Variants in PLD5 observed in about 807,000 individuals in gnomAD.
The protein encoded by PLD5 is phospholipase D family member 5.
A neutral mutation model predicts 61.1 loss-of-function variants in PLD5; 36 were observed. That is an observed-to-expected ratio of 0.59 (90% CI 0.45 to 0.78). The LOEUF (loss-of-function observed/expected upper bound fraction) is 0.78. Among genes scored for constraint, PLD5 ranks in the 30% least tolerant of loss-of-function variants. The pLI is 0.00. For synonymous variants in PLD5, 243 were observed against 242.8 expected (o/e 1.00, Z -0.01); for missense variants, 515 against 644.4 (o/e 0.80, Z 2.17).
chr1:242,183,903 TAAATAAATAA>T (rs1374754123), intron 5 of PLD5, among the ~76,000 whole-genome samples: 3 of 147,828 alleles, frequency 2.0e-5, no homozygotes, highest in East Asian at 2.5e-4. Context: ...TCAAAATAAA[TAAATAAATAA>T]AAATAAATAA....
At chr1:242,328,241 T>C (rs28719041) in intron 2 of PLD5, among the ~76,000 whole-genome samples, 1 of 152,108 alleles carries the variant, frequency 6.6e-6, no homozygotes, top group East Asian at 1.9e-4. Context: ...TTCTAGATTA[T>C]CAAGATGAAC....
At chr1:242,204,170 G>A (rs1230137279) in intron 5 of PLD5, among the ~76,000 whole-genome samples, 2 of 151,860 alleles carry the variant, frequency 1.3e-5, no homozygotes, top group African/African-American at 2.4e-5. Flanking sequence ...GTGAACCCAG[G>A]AGGCGAAGCT....
At chr1:242,485,959 T>C (rs1244555228) in intron 1 of PLD5, among the ~76,000 whole-genome samples, 5 of 152,082 alleles carry the variant, frequency 3.3e-5, no homozygotes, top group African/African-American at 1.2e-4. Context: ...AAACAAGAAA[T>C]GGGGAAAGGA....
chr1:242,390,522 C>A (rs545322970), intron 1 of PLD5, among the ~76,000 whole-genome samples: 2 of 152,194 alleles, frequency 1.3e-5, no homozygotes, highest in South Asian at 4.1e-4. Flanking sequence ...CCGAAAAGTA[C>A]CATTTCTTTG....
At chr1:242,396,026 TAATAAG>T (rs889162292) in intron 1 of PLD5, among the ~76,000 whole-genome samples, 2 of 151,770 alleles carry the variant, frequency 1.3e-5, no homozygotes, top group Non-Finnish European at 2.9e-5. Flanking sequence ...CCAGCCTGGG[TAATAAG>T]AATGAGACTC....
intron 5 of PLD5, among the ~76,000 whole-genome samples, chr1:242,142,300 G>C (rs1664226967): frequency 6.6e-6 from 1 of 152,234 alleles, no homozygotes; most frequent in Non-Finnish European, 1.5e-5. Flanking sequence ...TCTATGGTAG[G>C]ATGGTTAAGA....
chr1:242,468,576 T>C (rs1219055843), intron 1 of PLD5, among the ~76,000 whole-genome samples: 2 of 152,156 alleles, frequency 1.3e-5, no homozygotes, highest in Non-Finnish European at 1.5e-5. Context: ...ATTATACTAA[T>C]TGAGATTTTA....
chr1:242,409,827 G>C (rs938198997), intron 1 of PLD5, among the ~76,000 whole-genome samples: 1 of 152,170 alleles, frequency 6.6e-6, no homozygotes, highest in Non-Finnish European at 1.5e-5. Flanking sequence ...GGGGATATGT[G>C]GGGGCGCCAT....
intron 1 of PLD5, among the ~76,000 whole-genome samples, chr1:242,500,404 G>A (rs763496022): frequency 2.7e-4 from 41 of 152,316 alleles, no homozygotes; most frequent in Admixed American, 1.1e-3. Context: ...TCTATGCACA[G>A]TATCCGTAGA....
intron 1 of PLD5, among the ~76,000 whole-genome samples, chr1:242,366,539 T>C (rs1199171348): frequency 2.0e-5 from 3 of 152,230 alleles, no homozygotes; most frequent in Non-Finnish European, 4.4e-5. Context: ...TTTAGATTGG[T>C]GCAAAAGTGA....
chr1:242,200,180 C>A (rs1313506969), intron 5 of PLD5, among the ~76,000 whole-genome samples: 1 of 152,206 alleles, frequency 6.6e-6, no homozygotes, highest in Non-Finnish European at 1.5e-5. Context: ...CTGGAGCTTG[C>A]TGCGAGGCAC....
At chr1:242,107,373 C>T (rs1266993378) in intron 8 of PLD5, among the ~76,000 whole-genome samples, 1 of 151,996 alleles carries the variant, frequency 6.6e-6, no homozygotes, top group East Asian at 1.9e-4. Flanking sequence ...GATTGTGCTA[C>T]TGCACTCCAG....
intron 1 of PLD5, among the ~76,000 whole-genome samples, chr1:242,431,193 T>C (rs767402359): frequency 4.6e-5 from 7 of 152,174 alleles, no homozygotes; most frequent in Non-Finnish European, 7.4e-5. Flanking sequence ...CATGCAAAAC[T>C]GGAACTCTGC....
At chr1:242,293,193 T>A (rs571270302) in intron 2 of PLD5, among the ~76,000 whole-genome samples, 1 of 152,292 alleles carries the variant, frequency 6.6e-6, no homozygotes, top group South Asian at 2.1e-4. Context: ...TAATCAATCC[T>A]GGTTGGTAGA....
At chr1:242,121,357 A>G (rs1451199909) in intron 6 of PLD5, among the ~76,000 whole-genome samples, 2 of 152,208 alleles carry the variant, frequency 1.3e-5, no homozygotes, top group Admixed American at 6.5e-5. Context: ...AGGGAGTTCA[A>G]GGAACTCTGT....
At chr1:242,368,326 T>C (rs1229257128) in intron 1 of PLD5, among the ~76,000 whole-genome samples, 7 of 32,276 alleles carry the variant, frequency 2.2e-4, no homozygotes, top group Non-Finnish European at 1.2e-3. Flanking sequence ...CGTGAACCAA[T>C]AAAGCAGCCT....
chr1:242,130,564 CA>C (rs1164335222), intron 5 of PLD5, among the ~76,000 whole-genome samples: 1 of 152,148 alleles, frequency 6.6e-6, no homozygotes, highest in Non-Finnish European at 1.5e-5. Flanking sequence ...ACATTCCCAC[CA>C]ACAGTGTATA....
intron 5 of PLD5, among the ~76,000 whole-genome samples, chr1:242,127,224 C>A (rs1662865052): frequency 6.6e-6 from 1 of 152,156 alleles, no homozygotes; most frequent in African/African-American, 2.4e-5. Flanking sequence ...ACTAGTACAA[C>A]CACTATGGAA....
chr1:242,475,229 C>T (rs184344735), intron 1 of PLD5, among the ~76,000 whole-genome samples: 2 of 152,282 alleles, frequency 1.3e-5, no homozygotes, highest in Non-Finnish European at 2.9e-5. Context: ...AAAGGAAGAG[C>T]AAGAAAACAA....
Sources: allele counts gnomAD v4.1 joint callset (sites outside exome capture counted in the v4.1 genomes callset), GRCh38; gene constraint gnomAD v4.1.1; transcripts MANE v1.5; gene names NCBI Gene and HGNC (gene_info 2026-07-23, HGNC 2026-07-21).